MICALL2: variants seen among roughly 807,000 people sequenced by gnomAD.
MICALL2 encodes MICAL-like protein 2.
A neutral mutation model predicts 91.1 loss-of-function variants in MICALL2; 111 were observed. The ratio of observed to expected loss-of-function variants is 1.22; its 90% CI spans 1.04 to 1.43. The LOEUF (loss-of-function observed/expected upper bound fraction) is 1.43, where lower values mean the gene tolerates loss of function less well. Ranked by LOEUF, MICALL2 falls within the 40% of genes most tolerant of loss-of-function variation. MICALL2 has a pLI of 0.00. For synonymous variants in MICALL2, 694 were observed against 525.3 expected (o/e 1.32, Z -4.39); for missense variants, 1,556 against 1,236.0 (o/e 1.26, Z -3.88).
intron 6 of MICALL2, among the ~76,000 whole-genome samples, chr7:1,443,368 G>A (rs1292845085): frequency 1.3e-5 from 2 of 152,114 alleles, no homozygotes; most frequent in African/African-American, 4.8e-5. Context: ...GCGGGGGCAG[G>A]AGGCAGTTCT....
chr7:1,446,804 C>T lies in MICALL2; in HGVS notation c.550G>A (p.Val184Ile), dbSNP rs1252734539. 34 of 1,600,056 alleles carry T rather than the reference C, an allele frequency of 2.1e-5. No homozygotes were observed. The highest frequency in any genetic ancestry group is 2.9e-5 in the Non-Finnish European group (34 of 1,173,728). ...KTDQALAGSL[V>I]SSTCGVCGKH... ...CCGCAGACCCCGCAGGTGCTGCTGA[C>T]CAAGCTGCCCGCCAATGCCTGGTCC... The change falls in exon 5 of 17, where the codon GTC (valine) becomes ATC (isoleucine). Residue 184 changes from valine (V) to isoleucine (I), a missense_variant. Val to Ile is a conservative substitution (Grantham distance 29). Transcript: ENST00000297508.
At chr7:1,446,660 G>A in intron 5 of MICALL2, 53 bp downstream of exon 5, 2 of 1,359,236 alleles carry the variant, frequency 1.5e-6, no homozygotes, top group Non-Finnish European at 2.0e-6. Flanking sequence ...GCTGTGGGAG[G>A]GTTCTGGGAG....
intron 7 of MICALL2, 101 bp downstream of exon 7, chr7:1,442,091 C>A (rs559610012): frequency 2.3e-6 from 3 of 1,319,834 alleles, no homozygotes; most frequent in Non-Finnish European, 3.2e-6. Context: ...GGAAGGCGGG[C>A]GGGGCTGATG....
At chr7:1,439,076 G>A (rs112296167) in intron 9 of MICALL2, 81 bp from the exon 10 acceptor site, 4 of 1,152,928 alleles carry the variant, frequency 3.5e-6, no homozygotes, top group African/African-American at 3.1e-5. Context: ...ACAGCCAACA[G>A]CTCGCTGGGT....
chr7:1,437,811 G>C (rs57032038), intron 13 of MICALL2, 79 bp downstream of exon 13: 13 of 1,366,394 alleles, frequency 9.5e-6, no homozygotes, highest in Middle Eastern at 2.4e-4. Flanking sequence ...CTGACTCTGC[G>C]CTCCTGTCCC....
At chr7:1,437,004 A>G (rs1030168714) in intron 14 of MICALL2, 148 bp from the exon 15 acceptor site, 7 of 550,294 alleles carry the variant, frequency 1.3e-5, no homozygotes, top group African/African-American at 1.2e-4. Context: ...TGAATGAGTG[A>G]ATAAGTGAAT....
Position 1,438,930 on chromosome 7 carries a change from T to C in MICALL2, c.2032A>G (p.Asn678Asp), listed in dbSNP as rs1780122279. The change falls in exon 10 of 17, where the codon AAC (asparagine) becomes GAC (aspartate). Residue 678 changes from asparagine to aspartate, a missense_variant. Coordinates refer to ENST00000297508, the MANE Select transcript of MICALL2 (RefSeq NM_182924.4). The stretch of plus-strand genomic sequence containing the variant: ...CCAGGGGGCTCCGGCCGAAGCCAGT[T>C]GTCACAAACGTCGAGGCTGGCAGGG... ...AVPASLDVCD[N>D]WLRPEPPGQE... 6.2e-7 allele frequency: 1 copy of C among 1,607,546 alleles called. No homozygotes were observed. The highest frequency in any genetic ancestry group is 1.7e-5 in the Admixed American group (1 of 59,980).
chr7:1,437,565 C>A lies in MICALL2; in HGVS notation c.2446G>T (p.Gly816Cys). The A allele has an allele frequency of 6.5e-7, 1 of 1,534,598 alleles. No homozygotes were observed. The highest frequency in any genetic ancestry group is 1.4e-5 in the African/African-American group (1 of 72,730). The change falls in exon 14 of 17, where the codon GGC (glycine) becomes TGC (cysteine). Residue 816 changes from glycine (G) to cysteine (C), a missense_variant. Transcript: ENST00000297508. ...TTGGCCATGAGCCGGCGCAGCTCGC[C>A]CTCGATGTCCAGCTGCTGCTCCTCC... ...RLEEQQLDIE[G>C]ELRRLMAKPE...
intron 2 of MICALL2, 107 bp from the exon 3 acceptor site, chr7:1,448,868 C>A: frequency 5.0e-6 from 7 of 1,405,122 alleles, no homozygotes; most frequent in Non-Finnish European, 6.8e-6. Flanking sequence ...CCCAAAGAGG[C>A]GTGGGTTGGA....
chr7:1,444,774 A>G lies in MICALL2; in HGVS notation c.1296T>C (p.Leu432=), dbSNP rs1780484565. The part of the protein sequence containing the change: ...QTSAVPPGTS[L]SGRGPTPSLV... ...GTGACGGGGTGGGACCTCTGCCAGA[A>G]AGGCTGGTGCCGGGGGGCACTGCTG... Residue 432 remains leucine (L), a synonymous_variant, in exon 6 of 17, where the codon CTT becomes CTC. Coordinates refer to ENST00000297508, the MANE Select transcript of MICALL2 (RefSeq NM_182924.4). The G allele has an allele frequency of 1.1e-5, 17 of 1,611,966 alleles. No individual in the cohort carries two copies. Among genetic ancestry groups the G allele is most frequent in the Non-Finnish European group, 1.4e-5 (17 of 1,179,698 alleles).
Position 1,442,371 on chromosome 7 carries a change from G to C in MICALL2, c.1532C>G (p.Pro511Arg). The change falls in exon 7 of 17, where the codon CCT (proline) becomes CGT (arginine). Residue 511 changes from proline to arginine, a missense_variant. By Grantham distance (103) the Pro-to-Arg change is moderately radical. Coordinates refer to ENST00000297508, the MANE Select transcript of MICALL2 (RefSeq NM_182924.4). The stretch of plus-strand genomic sequence containing the variant: ...CGGGGCTGGCGGTTCCATCCTCGAA[G>C]GGAGGCCAAGCACCCGGGGAGACGA... ...QSSSPRVLGL[P>R]SRMEPPAPLS... is the part of the protein sequence containing the mutation. 1 of 1,611,744 alleles carries C rather than the reference G, an allele frequency of 6.2e-7. No homozygotes were observed. Among genetic ancestry groups the C allele is most frequent in the Non-Finnish European group, 8.5e-7 (1 of 1,178,820 alleles).
rs201696649 is a variant in MICALL2, at chr7:1,442,466, G to A, written c.1437C>T (p.Ala479=). ...TTTTGGGCTGAGAACTGGGAACAGCGGCAGTGGCTGGGGAGGGCCTATAAG... is the reference window on the plus strand; with the variant it reads ...TTTTGGGCTGAGAACTGGGAACAGCAGCAGTGGCTGGGGAGGGCCTATAAG... The part of the protein sequence containing the change: ...PAPGRPSPAT[A]AVPSSQPKTE... The change falls in exon 7 of 17, where the codon GCC becomes GCT. Residue 479 remains alanine (A), a synonymous_variant. Coordinates refer to ENST00000297508, the MANE Select transcript of MICALL2 (RefSeq NM_182924.4). 7.3e-5 allele frequency: 112 copies of A among 1,534,740 alleles called. No individual in the cohort carries two copies. In the Admixed American group the frequency reaches 1.6e-3, roughly 22 times the overall value.
In MICALL2 at chr7:1,434,581, C is replaced by T. The variant is rs769538032; in HGVS notation, c.*15G>A. 22 of 1,605,930 alleles carry T rather than the reference C, an allele frequency of 1.4e-5. No homozygotes were observed. Among genetic ancestry groups the T allele is most frequent in the Non-Finnish European group, 1.7e-5 (20 of 1,173,004 alleles). ...GGATGCCAGGTCCGGGCCGAGCCCA[C>T]GGCCCTACTGGCTACTACTGGGAGG... On this transcript the variant is annotated 3_prime_UTR_variant, in exon 17 of 17. Coordinates refer to ENST00000297508, the MANE Select transcript of MICALL2 (RefSeq NM_182924.4).
At chr7:1,445,563 C>T in intron 5 of MICALL2, 135 bp from the exon 6 acceptor site, 1 of 790,674 alleles carries the variant, frequency 1.3e-6, no homozygotes, top group Non-Finnish European at 2.0e-6. Context: ...CCCCGCCACG[C>T]ATTCACCACG....
In MICALL2 at chr7:1,451,388, C is replaced by T. The variant is rs891381347; in HGVS notation, c.144-1100G>A. On this transcript the variant is annotated intron_variant, in intron 1 of 16. Coordinates refer to ENST00000297508, the MANE Select transcript of MICALL2 (RefSeq NM_182924.4). The surrounding 1 kb of genome is among the most constrained non-coding windows in gnomAD (Gnocchi z 4.5). ...GTTGGTTAAATCATGATCTGGAAGCCGGGTGCAGTGGCTCACACCTGTAGT... is the reference window on the plus strand; with the variant it reads ...GTTGGTTAAATCATGATCTGGAAGCTGGGTGCAGTGGCTCACACCTGTAGT... Among the ~76,000 whole-genome samples, 6 of 152,168 alleles carry T rather than the reference C, an allele frequency of 3.9e-5. No individual in the cohort carries two copies. Among genetic ancestry groups the T allele is most frequent in the South Asian group, 2.1e-4 (1 of 4,830 alleles).
rs995852416 is a variant in MICALL2, at chr7:1,445,007, T to G, written c.1063A>C (p.Thr355Pro). ...GCGGGATGGGAGGCAGCCGCTGCTG[T>G]GCACGGGGCAGCTGACGACCAGCCC... The part of the protein sequence containing the change: ...PMGWSSAAPC[T>P]AAAASHPAVP... The change falls in exon 6 of 17, where the codon ACA (threonine) becomes CCA (proline). Residue 355 changes from threonine to proline, a missense_variant. Coordinates refer to ENST00000297508, the MANE Select transcript of MICALL2 (RefSeq NM_182924.4). The G allele has an allele frequency of 3.3e-6, 5 of 1,517,840 alleles. No individual in the cohort carries two copies. The highest frequency in any genetic ancestry group is 4.4e-6 in the Non-Finnish European group (5 of 1,131,128). 94.0% of individuals were successfully genotyped at this position (1,517,840 alleles called of 1,614,324 possible). A position where few individuals can be genotyped will look rare whatever the true frequency, so the allele number is the denominator to read the frequency against.
intron 8 of MICALL2, 94 bp downstream of exon 8, chr7:1,440,497 G>T: frequency 8.8e-7 from 1 of 1,134,886 alleles, no homozygotes; most frequent in Non-Finnish European, 1.3e-6. Context: ...GTCTATCCCT[G>T]GATAGGCGTG....
rs775486057 is a variant in MICALL2, at chr7:1,442,477, G to A, written c.1426C>T (p.Pro476Ser). Reference sequence around the variant, plus strand: ...GAACTGGGAACAGCGGCAGTGGCTGGGGAGGGCCTATAAGTAAAAGCGCAG... The same window carrying A: ...GAACTGGGAACAGCGGCAGTGGCTGAGGAGGGCCTATAAGTAAAAGCGCAG... The part of the protein sequence containing the change: ...AGAPAPGRPS[P>S]ATAAVPSSQP... Residue 476 changes from proline (P) to serine (S), a missense_variant, in exon 7 of 17, where the codon CCA becomes TCA. Pro to Ser is a moderately conservative substitution (Grantham distance 74). Coordinates refer to ENST00000297508, the MANE Select transcript of MICALL2 (RefSeq NM_182924.4). 5 of 1,530,186 alleles carry A rather than the reference G, an allele frequency of 3.3e-6. No individual in the cohort carries two copies. In the African/African-American group the frequency reaches 4.2e-5, roughly 13 times the overall value. The allele number at this position is 1,530,186 out of a possible 1,614,324, so 94.8% of individuals were successfully genotyped here.
At position 1,442,313 on chromosome 7, in the gene MICALL2, C is replaced by T. The variant is rs143070225; in HGVS notation, c.1590G>A (p.Ala530=). 3,599 of 1,613,206 alleles carry T rather than the reference C, an allele frequency of 2.2e-3. 7 individuals carry two copies. The highest frequency in any genetic ancestry group is 2.9e-3 in the Non-Finnish European group (3,397 of 1,179,928). Residue 530 remains alanine, a synonymous_variant, in exon 7 of 17, where the codon GCG becomes GCA. Coordinates refer to ENST00000297508, the MANE Select transcript of MICALL2 (RefSeq NM_182924.4). ...LSTSSTSQAS[A]LPPAGRRNLA... The stretch of plus-strand genomic sequence containing the variant: ...AGTTCCTCCTGCCTGCCGGGGGCAA[C>T]GCGGATGCCTGAGAGGTACTGCTCG...
Sources: gnomAD v4.1 joint callset for allele counts (sites outside exome capture counted in the v4.1 genomes callset) on GRCh38, gnomAD v4.1.1 for gene constraint, Gnocchi (gnomAD v3.1) non-coding constraint, MANE v1.5 for transcripts, NCBI Gene and HGNC (gene_info 2026-07-23, HGNC 2026-07-21) for gene names.